Variants in CLEC9A observed in about 807,000 individuals in gnomAD.
The protein encoded by CLEC9A is C-type lectin domain family 9 member A.
Under a neutral mutation model 30.0 loss-of-function variants are expected in CLEC9A, and 24 were observed. That is an observed-to-expected ratio of 0.80 (90% confidence interval 0.58 to 1.13). CLEC9A has a LOEUF of 1.13. CLEC9A is among the 50% of genes most tolerant of loss of function. The pLI, the probability that CLEC9A is intolerant of heterozygous loss-of-function variation, is 0.00. For missense variants in CLEC9A, 251 were observed against 280.9 expected (o/e 0.89, Z 0.76); for synonymous variants, 111 against 96.8 (o/e 1.15, Z -0.86).
At chr12:10,036,580 ACACATC>A (rs1865746131) in intron 1 of CLEC9A, among the ~76,000 whole-genome samples, 1 of 152,222 alleles carries the variant, frequency 6.6e-6, no homozygotes, top group Non-Finnish European at 1.5e-5. Context: ...CTTCTCTTCT[ACACATC>A]CACAGGCCAT....
intron 1 of CLEC9A, among the ~76,000 whole-genome samples, chr12:10,035,323 C>T (rs564044380): frequency 2.0e-5 from 3 of 152,138 alleles, no homozygotes; most frequent in Non-Finnish European, 4.4e-5. Flanking sequence ...TCATCCAGGT[C>T]GGTGGGCAAA....
chr12:10,053,982 T>C (rs968725211), intron 4 of CLEC9A, among the ~76,000 whole-genome samples: 3 of 152,184 alleles, frequency 2.0e-5, no homozygotes, highest in African/African-American at 7.2e-5. Flanking sequence ...TACATATAAT[T>C]AGTTTGTTTA....
intron 1 of CLEC9A, among the ~76,000 whole-genome samples, chr12:10,035,867 A>C (rs1467201102): frequency 1.3e-5 from 2 of 152,164 alleles, no homozygotes; most frequent in Non-Finnish European, 2.9e-5. Context: ...AGCCTCCAAA[A>C]GTATTGGGAT....
intron 1 of CLEC9A, among the ~76,000 whole-genome samples, chr12:10,037,299 C>T (rs949278666): frequency 3.9e-5 from 6 of 152,076 alleles, no homozygotes; most frequent in African/African-American, 9.7e-5. Context: ...TGAGCGCTTT[C>T]GAACTACATT....
intron 2 of CLEC9A, among the ~76,000 whole-genome samples, chr12:10,050,815 C>T (rs1220972554): frequency 6.6e-6 from 1 of 152,112 alleles, no homozygotes; most frequent in East Asian, 1.9e-4. Context: ...TCTGTTTCTC[C>T]TCAAGATAGA....
chr12:10,053,888 G>T (rs1168149232), intron 4 of CLEC9A, among the ~76,000 whole-genome samples: 5 of 152,166 alleles, frequency 3.3e-5, no homozygotes, highest in Non-Finnish European at 7.4e-5. Flanking sequence ...AAGAGATGGG[G>T]AGATGTGAGA....
At chr12:10,054,157 T>C in intron 4 of CLEC9A, 114 bp from the exon 5 acceptor site, 1 of 825,110 alleles carries the variant, frequency 1.2e-6, no homozygotes, top group Non-Finnish European at 2.0e-6. Context: ...CCAACAACTC[T>C]CAGTAGAAAT....
At chr12:10,056,174 T>C (rs976742258) in intron 5 of CLEC9A, among the ~76,000 whole-genome samples, 3 of 151,568 alleles carry the variant, frequency 2.0e-5, no homozygotes, top group African/African-American at 7.3e-5. Flanking sequence ...AAATCTTATA[T>C]GAAACCTATA....
intron 5 of CLEC9A, among the ~76,000 whole-genome samples, chr12:10,054,904 C>G (rs933116828): frequency 6.6e-6 from 1 of 152,154 alleles, no homozygotes; most frequent in African/African-American, 2.4e-5. Context: ...CAATGAACCT[C>G]TAACATCACT....
chr12:10,048,949 C>T (rs1282904891), intron 2 of CLEC9A, among the ~76,000 whole-genome samples: 1 of 152,140 alleles, frequency 6.6e-6, no homozygotes, highest in East Asian at 1.9e-4. Context: ...AGAAGAATCA[C>T]TATCCATGGC....
intron 1 of CLEC9A, among the ~76,000 whole-genome samples, chr12:10,039,702 T>C (rs1865774553): frequency 6.6e-6 from 1 of 152,256 alleles, no homozygotes; most frequent in Admixed American, 6.5e-5. Flanking sequence ...CACATTGTAG[T>C]CTGCGTAGCT....
Position 10,061,151 on chromosome 12 carries a change from T to A in CLEC9A, c.197T>A (p.Met66Lys). Residue 66 changes from methionine (M) to lysine (K), a missense_variant, in exon 6 of 9, where the codon ATG becomes AAG. Physicochemically the swap from Met to Lys is moderately conservative, Grantham distance 95. Transcript: ENST00000355819. ...VKLLQVSTIAMQQQEKLIQQE... is the reference protein window; with the variant it reads ...VKLLQVSTIAKQQQEKLIQQE... The stretch of plus-strand genomic sequence containing the variant: ...GTGTTGCAGGTGTCCACCATTGCGA[T>A]GCAGCAGCAAGAAAAACTCATCCAA... 1.2e-6 allele frequency: 2 copies of A among 1,611,242 alleles called. No individual in the cohort carries two copies. The highest frequency in any genetic ancestry group is 1.7e-6 in the Non-Finnish European group (2 of 1,179,122).
At chr12:10,045,322 G>A (rs1443137730) in intron 2 of CLEC9A, among the ~76,000 whole-genome samples, 1 of 151,962 alleles carries the variant, frequency 6.6e-6, no homozygotes, top group African/African-American at 2.4e-5. Flanking sequence ...TACATACCTT[G>A]TACTACCAAG....
rs546707745 is a variant in CLEC9A at position 10,063,320 on chromosome 12, T to C, written c.471+114T>C. 573 of 998,466 alleles carry C rather than the reference T, an allele frequency of 5.7e-4. 5 individuals carry two copies. In the South Asian group the frequency reaches 0.015, roughly 25 times the overall value. The allele number at this position is 998,466 out of a possible 1,614,324, so 61.9% of individuals were successfully genotyped here. A position where few individuals can be genotyped will look rare whatever the true frequency, so the allele number is the denominator to read the frequency against. The stretch of plus-strand genomic sequence containing the variant: ...TTAATATTCTATAACAGCAGTATAA[T>C]TGTAAAAATAAAGGTTTAAAAGAAA... On this transcript the variant is annotated intron_variant, in intron 7 of 8. Transcript: ENST00000355819.
At chr12:10,064,568 A>T (rs1591896386) in intron 7 of CLEC9A, among the ~76,000 whole-genome samples, 164 bp from the exon 8 acceptor site, 1 of 152,332 alleles carries the variant, frequency 6.6e-6, no homozygotes, top group East Asian at 1.9e-4. Context: ...AATCGAAAAT[A>T]GTCTAAAAAA....
chr12:10,052,714 T>A lies in CLEC9A; in HGVS notation c.27T>A (p.Ser9=). The A allele has an allele frequency of 6.2e-7, 1 of 1,613,982 alleles. No individual in the cohort carries two copies. MHEEEIYT[S]LQWDSPAPDT... is the part of the protein sequence containing the mutation. ...TGCACGAGGAAGAAATATACACCTC[T>A]CTTCAGTGGGATAGCCCAGCACCAG... Residue 9 remains serine, a synonymous_variant, in exon 4 of 9, where the codon TCT becomes TCA. Coordinates refer to ENST00000355819, the MANE Select transcript of CLEC9A (RefSeq NM_207345.4).
In CLEC9A at chr12:10,053,312, A is replaced by G. The variant is rs898870154; in HGVS notation, c.91+534A>G. On this transcript the variant is annotated intron_variant, in intron 4 of 8. Transcript: ENST00000355819. ...AGGGCTCTAGATGTCACAAGCTGAA[A>G]TGGATTTCAATGGGCTGAAACCAAG... Among the ~76,000 whole-genome samples, 25 of 152,196 alleles carry G rather than the reference A, an allele frequency of 1.6e-4. 2 individuals are homozygous for G. The highest frequency in any genetic ancestry group is 2.9e-5 in the Non-Finnish European group (2 of 68,030).
intron 5 of CLEC9A, among the ~76,000 whole-genome samples, chr12:10,059,445 T>C (rs75404883): frequency 0.02 from 3,110 of 152,266 alleles, 114 homozygotes; most frequent in African/African-American, 0.071. Flanking sequence ...GTCTTAAAAG[T>C]AGAGCATAAA....
intron 2 of CLEC9A, chr12:10,045,377 T>G (rs1395641049): frequency 1.3e-5 from 2 of 154,652 alleles, no homozygotes; most frequent in African/African-American, 2.4e-5. Context: ...TTTTTTACTG[T>G]TTTCCCCAGA....
Sources: gnomAD v4.1 joint callset for allele counts (sites outside exome capture counted in the v4.1 genomes callset) on GRCh38, gnomAD v4.1.1 for gene constraint, MANE v1.5 for transcripts, NCBI Gene and HGNC (gene_info 2026-07-23, HGNC 2026-07-21) for gene names.